The following SMAP1 variants were observed in gnomAD, a reference collection of about 807,000 sequenced individuals.
SMAP1 encodes the protein small ArfGAP 1.
A neutral mutation model predicts 58.5 loss-of-function variants in SMAP1; 24 were observed. The observed-to-expected ratio is 0.41, with a 90% confidence interval of 0.30 to 0.58. The LOEUF is 0.58. SMAP1 is among the 20% of genes least tolerant of loss of function. SMAP1 has a pLI of 0.29. For synonymous variants in SMAP1, 216 were observed against 196.6 expected (o/e 1.10, Z -0.82); for missense variants, 563 against 566.3 (o/e 0.99, Z 0.06).
At chr6:70,814,522 A>G (rs1462579017) in intron 6 of SMAP1, among the ~76,000 whole-genome samples, 2 of 152,128 alleles carry the variant, frequency 1.3e-5, no homozygotes, top group Non-Finnish European at 2.9e-5. Context: ...TATAGACTGC[A>G]TAGCTTTGAT....
chr6:70,707,233 C>T (rs1767877140), intron 1 of SMAP1, among the ~76,000 whole-genome samples: 2 of 152,152 alleles, frequency 1.3e-5, no homozygotes, highest in Non-Finnish European at 2.9e-5. Context: ...AATAAATAAA[C>T]ATCATCTCTG....
chr6:70,848,303 T>C (rs930532486), intron 7 of SMAP1, among the ~76,000 whole-genome samples: 1 of 152,176 alleles, frequency 6.6e-6, no homozygotes, highest in Non-Finnish European at 1.5e-5. Flanking sequence ...CAGTACAGGA[T>C]AGTGGAGTGG....
At chr6:70,848,851 T>C (rs1197753130) in intron 7 of SMAP1, among the ~76,000 whole-genome samples, 1 of 152,216 alleles carries the variant, frequency 6.6e-6, no homozygotes, top group Non-Finnish European at 1.5e-5. Flanking sequence ...GTAAGTAAAA[T>C]TAGCAACTAT....
chr6:70,697,084 C>T (rs1327320303), intron 1 of SMAP1, among the ~76,000 whole-genome samples: 1 of 152,126 alleles, frequency 6.6e-6, no homozygotes, highest in Non-Finnish European at 1.5e-5. Context: ...GCAGTATCTT[C>T]TTCCATCCCT....
chr6:70,826,572 T>C (rs770091716), intron 6 of SMAP1, among the ~76,000 whole-genome samples: 37 of 152,016 alleles, frequency 2.4e-4, no homozygotes, highest in Non-Finnish European at 4.6e-4. Context: ...AAAACCAGTC[T>C]GGGCAACATG....
intron 6 of SMAP1, among the ~76,000 whole-genome samples, 193 bp downstream of exon 6, chr6:70,798,930 G>A (rs1280360276): frequency 1.3e-5 from 2 of 152,008 alleles, no homozygotes; most frequent in Admixed American, 1.3e-4. Flanking sequence ...TTATCTATAT[G>A]TGTGGGTATA....
intron 5 of SMAP1, among the ~76,000 whole-genome samples, chr6:70,796,839 A>T (rs888267250): frequency 3.9e-5 from 6 of 152,182 alleles, no homozygotes; most frequent in African/African-American, 1.4e-4. Flanking sequence ...GTTGACTTTT[A>T]TCCTGTTCCT....
At chr6:70,826,006 T>G (rs1219079123) in intron 6 of SMAP1, among the ~76,000 whole-genome samples, 11 of 152,262 alleles carry the variant, frequency 7.2e-5, no homozygotes, top group Admixed American at 7.2e-4. Flanking sequence ...TCTTCATTTT[T>G]GTATCCCTAG....
intron 6 of SMAP1, among the ~76,000 whole-genome samples, chr6:70,814,297 G>C (rs1253808652): frequency 2.6e-5 from 4 of 152,108 alleles, no homozygotes; most frequent in Non-Finnish European, 5.9e-5. Context: ...TTGAGATATT[G>C]CATCAAAAGT....
chr6:70,762,116 G>A (rs565808475), intron 3 of SMAP1, among the ~76,000 whole-genome samples: 2 of 152,116 alleles, frequency 1.3e-5, no homozygotes, highest in East Asian at 3.9e-4. Context: ...AATTTCCTTC[G>A]AAAATCTTTA....
At chr6:70,842,454 C>T (rs895758554) in intron 7 of SMAP1, among the ~76,000 whole-genome samples, 14 of 152,100 alleles carry the variant, frequency 9.2e-5, no homozygotes, top group African/African-American at 2.4e-4. Context: ...ACACCAGAAA[C>T]GGGTGCCGCT....
chr6:70,706,900 A>G (rs766382849), intron 1 of SMAP1, among the ~76,000 whole-genome samples: 27 of 152,178 alleles, frequency 1.8e-4, no homozygotes, highest in Non-Finnish European at 3.4e-4. Context: ...ATATCAAATA[A>G]GCCAGTGTTT....
intron 5 of SMAP1, among the ~76,000 whole-genome samples, chr6:70,794,570 A>T (rs915774554): frequency 2.0e-5 from 3 of 152,056 alleles, no homozygotes; most frequent in African/African-American, 7.2e-5. Context: ...ACCCCACGAC[A>T]GGCACCGGTG....
rs557386013 is a variant in SMAP1, at chr6:70,686,419, T to C, written c.118+18278T>C. On this transcript the variant is annotated intron_variant, in intron 1 of 10. Coordinates refer to ENST00000370455, the MANE Select transcript of SMAP1 (RefSeq NM_001044305.3). ...TTGTTTCGCAGCGGAAGGAATGTTA[T>C]TAATATGGGTGTAAATGGCCCTTGA... Among the ~76,000 whole-genome samples, 15 of 152,318 alleles carry C rather than the reference T, an allele frequency of 9.8e-5. No individual in the cohort carries two copies. In the South Asian group the frequency reaches 2.9e-3, roughly 29 times the overall value.
chr6:70,836,825 C>T, intron 6 of SMAP1, 116 bp from the exon 7 acceptor site: 3 of 788,704 alleles, frequency 3.8e-6, no homozygotes, highest in Non-Finnish European at 5.8e-6. Flanking sequence ...TTTTATTATA[C>T]TATGTTTCAT....
At chr6:70,757,563 A>G (rs1314362772) in intron 3 of SMAP1, among the ~76,000 whole-genome samples, 27 of 151,660 alleles carry the variant, frequency 1.8e-4, no homozygotes, top group Non-Finnish European at 3.0e-4. Flanking sequence ...AAAAGAAACT[A>G]CCATCAGAGT....
chr6:70,708,054 AT>A (rs1208798504), intron 1 of SMAP1, among the ~76,000 whole-genome samples: 1 of 152,114 alleles, frequency 6.6e-6, no homozygotes, highest in African/African-American at 2.4e-5. Context: ...TATGCTGAAC[AT>A]TATATCTCTA....
intron 6 of SMAP1, among the ~76,000 whole-genome samples, chr6:70,826,745 G>A (rs1306561882): frequency 6.6e-6 from 1 of 151,692 alleles, no homozygotes; most frequent in Admixed American, 6.6e-5. Context: ...GACAGAGTGA[G>A]GCTCTGTCTC....
At chr6:70,723,176 C>T (rs1768605905) in intron 1 of SMAP1, among the ~76,000 whole-genome samples, 2 of 152,108 alleles carry the variant, frequency 1.3e-5, no homozygotes, top group Non-Finnish European at 2.9e-5. Flanking sequence ...TTATATTGCT[C>T]AGGCTGGAGT....
Sources: allele counts gnomAD v4.1 joint callset (sites outside exome capture counted in the v4.1 genomes callset), GRCh38; gene constraint gnomAD v4.1.1; transcripts MANE v1.5; gene names NCBI Gene and HGNC (gene_info 2026-07-23, HGNC 2026-07-21).